ATF7: variants seen among roughly 807,000 people sequenced by gnomAD.
ATF7 encodes the protein cyclic AMP-dependent transcription factor ATF-7.
ATF7 carries 10 observed loss-of-function variants against 50.4 expected under a neutral mutation model. The observed-to-expected ratio is 0.20, with a 90% CI of 0.12 to 0.34. The LOEUF (loss-of-function observed/expected upper bound fraction) is 0.34, where lower values mean the gene tolerates loss of function less well. Ranked by LOEUF, ATF7 falls within the 10% of genes least tolerant of loss-of-function variation. The pLI is 1.00. For missense variants in ATF7, 465 were observed against 613.9 expected, an observed-to-expected ratio of 0.76 and a Z score of 2.56; for synonymous variants, 201 against 226.4, an observed-to-expected ratio of 0.89 and a Z score of 1.01.
At chr12:53,533,125 T>C in intron 7 of ATF7, 35 bp downstream of exon 7, 1 of 1,528,160 alleles carries the variant, frequency 6.5e-7, no homozygotes, top group Non-Finnish European at 9.1e-7. Context: ...GATTACCATG[T>C]TGGTAGGGTT....
chr12:53,598,439 G>A (rs1031339110), intron 2 of ATF7, among the ~76,000 whole-genome samples: 1 of 152,110 alleles, frequency 6.6e-6, no homozygotes, highest in Non-Finnish European at 1.5e-5. Context: ...CTACTGAGGG[G>A]AAAAAAGCTT....
chr12:53,553,678 A>ATGCAAAACATGACT (rs1940527161), intron 2 of ATF7, among the ~76,000 whole-genome samples: 2 of 152,198 alleles, frequency 1.3e-5, no homozygotes, highest in South Asian at 2.1e-4. Context: ...ACTGCAACAC[A>ATGCAAAACATGACT]GTAACAGCCC....
At position 53,555,490 on chromosome 12, in the gene ATF7, ATTTTTT is replaced by A. The variant is rs543048867; in HGVS notation, c.49-2859_49-2854del. 4.4e-3 allele frequency among the ~76,000 whole-genome samples: 439 copies of A among 100,692 alleles called. 4 individuals are homozygous for A. The highest frequency in any genetic ancestry group is 0.017 in the African/African-American group (379 of 22,850). 66.1% of individuals were successfully genotyped at this position (100,692 alleles called of 152,430 possible). A position where few individuals can be genotyped will look rare whatever the true frequency, so the allele number is the denominator to read the frequency against. ...AGTTTATAAAGAAGAAAATAATATA[ATTTTTT>A]TTTTTTTTTTTTTTTTTTTTTTGTG... On this transcript the variant is annotated intron_variant, in intron 2 of 11. Coordinates refer to ENST00000420353, the MANE Select transcript of ATF7 (RefSeq NM_006856.3).
At chr12:53,519,429 C>T (rs919582700) in intron 11 of ATF7, among the ~76,000 whole-genome samples, 11 of 152,006 alleles carry the variant, frequency 7.2e-5, no homozygotes, top group East Asian at 1.9e-4. Flanking sequence ...AGGCCGGGTG[C>T]GGTGGCTCAC....
In ATF7 at chr12:53,527,754, G is replaced by A. The variant is rs1486549136; in HGVS notation, c.928-2993C>T. On this transcript the variant is annotated intron_variant, in intron 9 of 11. Transcript: ENST00000420353. The stretch of plus-strand genomic sequence containing the variant: ...CACACCACTGCACTCCAGCCAGAGT[G>A]ACAGAGTGAGACTCTGACAAAAAAA... 3.3e-5 allele frequency among the ~76,000 whole-genome samples: 5 copies of A among 151,866 alleles called. 1 individual carries two copies. Among genetic ancestry groups the A allele is most frequent in the African/African-American group, 1.2e-4 (5 of 41,430 alleles).
At chr12:53,519,061 A>T (rs886952651) in intron 11 of ATF7, among the ~76,000 whole-genome samples, 9 of 152,114 alleles carry the variant, frequency 5.9e-5, no homozygotes, top group Non-Finnish European at 8.8e-5. Flanking sequence ...CTCAAAAAAA[A>T]AAAAAAAAAG....
intron 2 of ATF7, among the ~76,000 whole-genome samples, chr12:53,564,895 T>C (rs1345244491): frequency 6.6e-6 from 1 of 152,188 alleles, no homozygotes; most frequent in African/African-American, 2.4e-5. Context: ...ATTTTTTTTT[T>C]GTTTAGTTCA....
chr12:53,600,286 A>C (rs1012102319), intron 2 of ATF7, among the ~76,000 whole-genome samples: 3 of 152,186 alleles, frequency 2.0e-5, no homozygotes, highest in Non-Finnish European at 2.9e-5. Flanking sequence ...TGCCTCTCCA[A>C]ATATGTTAAG....
At chr12:53,518,302 A>C (rs1937856270) in intron 11 of ATF7, among the ~76,000 whole-genome samples, 1 of 152,286 alleles carries the variant, frequency 6.6e-6, no homozygotes, top group South Asian at 2.1e-4. Context: ...ACTACAAAGA[A>C]ATCTTAAGAC....
intron 1 of ATF7, among the ~76,000 whole-genome samples, chr12:53,623,684 G>GT (rs1005811002): frequency 3.3e-5 from 5 of 152,176 alleles, no homozygotes; most frequent in African/African-American, 1.2e-4. Context: ...GGAGGCTGCT[G>GT]TAACACTAAC....
chr12:53,623,031 C>T (rs774979513), intron 1 of ATF7, among the ~76,000 whole-genome samples: 4 of 152,088 alleles, frequency 2.6e-5, no homozygotes, highest in Non-Finnish European at 4.4e-5. Context: ...AGAATGAAAG[C>T]GATAAGTGTC....
Position 53,523,269 on chromosome 12 carries a change from C to T in ATF7, c.1234+7G>A. ...GACTGACTTAGCTTAGGTTGTGTGC[C>T]ACTCACCTAAATAGCCTTGAGTCTT... On this transcript the variant is annotated splice_region_variant and intron_variant, in intron 11 of 11. Coordinates refer to ENST00000420353, the MANE Select transcript of ATF7 (RefSeq NM_006856.3). 1.3e-6 allele frequency: 2 copies of T among 1,582,400 alleles called. No individual in the cohort carries two copies. Among genetic ancestry groups the T allele is most frequent in the Non-Finnish European group, 1.7e-6 (2 of 1,151,554 alleles).
At chr12:53,582,343 A>C (rs937550840) in intron 2 of ATF7, among the ~76,000 whole-genome samples, 52 of 150,704 alleles carry the variant, frequency 3.5e-4, no homozygotes, top group Non-Finnish European at 8.9e-5. Flanking sequence ...AAAAAAAAAA[A>C]ACCTACTATA....
Position 53,517,122 on chromosome 12 carries a change from C to T in ATF7, c.*15G>A. ...GGGCGAGCTCTGGCTGAGGACCTCT[C>T]CACCAGAGGAGGCATCATCTGCCCG... On this transcript the variant is annotated 3_prime_UTR_variant, in exon 12 of 12. Transcript: ENST00000420353. The T allele has an allele frequency of 1.2e-6, 2 of 1,607,578 alleles. No homozygotes were observed. Among genetic ancestry groups the T allele is most frequent in the Non-Finnish European group, 1.7e-6 (2 of 1,179,634 alleles).
At chr12:53,560,434 A>G (rs1344259625) in intron 2 of ATF7, among the ~76,000 whole-genome samples, 1 of 152,206 alleles carries the variant, frequency 6.6e-6, no homozygotes, top group Admixed American at 6.5e-5. Context: ...GTAAGGCCAA[A>G]CTAAAACTAA....
chr12:53,545,013 G>C (rs914465823), intron 3 of ATF7, among the ~76,000 whole-genome samples: 23 of 152,162 alleles, frequency 1.5e-4, no homozygotes, highest in African/African-American at 5.5e-4. Flanking sequence ...TATGCTTAGA[G>C]AGTACTTTAG....
chr12:53,575,316 A>G (rs1565968606), intron 2 of ATF7, among the ~76,000 whole-genome samples: 1 of 151,916 alleles, frequency 6.6e-6, no homozygotes, highest in Non-Finnish European at 1.5e-5. Context: ...CTGAGGCAGG[A>G]GAATCGCTTG....
chr12:53,547,878 A>G (rs1325838561), intron 3 of ATF7, among the ~76,000 whole-genome samples: 2 of 151,578 alleles, frequency 1.3e-5, no homozygotes, highest in East Asian at 3.9e-4. Flanking sequence ...GTATGTATGT[A>G]TGTATTTTTA....
chr12:53,550,272 C>T (rs909252926), intron 3 of ATF7, among the ~76,000 whole-genome samples: 6 of 147,664 alleles, frequency 4.1e-5, no homozygotes, highest in African/African-American at 1.5e-4. Flanking sequence ...TGTGGTGAGC[C>T]GAGATTACGC....
Sources: gnomAD v4.1 joint callset for allele counts (sites outside exome capture counted in the v4.1 genomes callset) on GRCh38, gnomAD v4.1.1 for gene constraint, MANE v1.5 for transcripts, NCBI Gene and HGNC (gene_info 2026-07-23, HGNC 2026-07-21) for gene names.